The following SIGLEC6 variants were observed in gnomAD, a reference collection of about 807,000 sequenced individuals.
SIGLEC6 encodes sialic acid binding Ig like lectin 6.
Under a neutral mutation model 41.4 loss-of-function variants are expected in SIGLEC6, and 31 were observed. That is an observed-to-expected ratio of 0.75 (90% CI 0.56 to 1.01). The LOEUF (loss-of-function observed/expected upper bound fraction) is 1.01. Ranked by LOEUF, SIGLEC6 falls within the 50% of genes least tolerant of loss-of-function variation. The pLI is 0.00. For synonymous variants in SIGLEC6, 217 were observed against 231.0 expected (o/e 0.94, Z 0.55); for missense variants, 555 against 558.6 (o/e 0.99, Z 0.06).
Position 51,528,179 on chromosome 19 carries a change from A to C in SIGLEC6, c.1087T>G (p.Cys363Gly), listed in dbSNP as rs750023034. The C allele has an allele frequency of 1.7e-4, 271 of 1,614,042 alleles. 2 individuals carry two copies. Among genetic ancestry groups the C allele is most frequent in the Non-Finnish European group, 1.3e-5 (15 of 1,180,010 alleles). Residue 363 changes from cysteine to glycine, a missense_variant, in exon 6 of 8, where the codon TGT becomes GGT. By Grantham distance (159) the Cys-to-Gly change is radical. Coordinates refer to ENST00000425629, the MANE Select transcript of SIGLEC6 (RefSeq NM_001245.7). ...TCTCACCTGAAGATGAAGCAAACACAGAGGAAAACCAGGGTTGTGATGCTA... is the reference window on the plus strand; with the variant it reads ...TCTCACCTGAAGATGAAGCAAACACCGAGGAAAACCAGGGTTGTGATGCTA... ...GASITTLVFL[C>G]VCFIFRVKTR...
Position 51,520,264 on chromosome 19 carries a change from A to G in SIGLEC6, c.1189-9T>C. 1.3e-6 allele frequency: 2 copies of G among 1,541,602 alleles called. No individual in the cohort carries two copies. Among genetic ancestry groups the G allele is most frequent in the Non-Finnish European group, 1.8e-6 (2 of 1,129,752 alleles). ...AACTGGTGCTGATGACCCTTAATGG[A>G]AGAAAAGAAAAGATTCAGGGCTGGA... On this transcript the variant is annotated splice_polypyrimidine_tract_variant and intron_variant, in intron 7 of 7. Coordinates refer to ENST00000425629, the MANE Select transcript of SIGLEC6 (RefSeq NM_001245.7).
At chr19:51,522,267 A>T (rs1978400532) in intron 7 of SIGLEC6, among the ~76,000 whole-genome samples, 1 of 152,256 alleles carries the variant, frequency 6.6e-6, no homozygotes, top group Admixed American at 6.5e-5. Context: ...ATCCACTAAT[A>T]AATTAACTGC....
At chr19:51,524,758 G>A (rs1978914749) in intron 7 of SIGLEC6, among the ~76,000 whole-genome samples, 2 of 152,098 alleles carry the variant, frequency 1.3e-5, no homozygotes, top group Admixed American at 1.3e-4. Flanking sequence ...ACATTAGCTC[G>A]CCAACTAGAC....
intron 4 of SIGLEC6, 117 bp from the exon 5 acceptor site, chr19:51,530,098 C>T: frequency 1.6e-6 from 2 of 1,281,830 alleles, no homozygotes; most frequent in Non-Finnish European, 2.2e-6. Context: ...AAGTGGGGGC[C>T]TCAGGTCTTC....
intron 7 of SIGLEC6, among the ~76,000 whole-genome samples, chr19:51,521,470 A>T (rs140516907): frequency 1.3e-5 from 2 of 152,168 alleles, no homozygotes; most frequent in African/African-American, 4.8e-5. Context: ...TTCCTCCATC[A>T]TTGGGATAAT....
Position 51,528,223 on chromosome 19 carries a change from A to G in SIGLEC6, c.1043T>C (p.Leu348Pro), listed in dbSNP as rs1453285470. The change falls in exon 6 of 8, where the codon CTG becomes CCG. Residue 348 changes from leucine to proline, a missense_variant. Physicochemically the swap from Leu to Pro is moderately conservative, Grantham distance 98. Coordinates refer to ENST00000425629, the MANE Select transcript of SIGLEC6 (RefSeq NM_001245.7). The part of the protein sequence containing the change: ...WKPEGRAGGV[L>P]GAVWGASITT... ...GATGCTAGCTCCCCAGACTGCTCCC[A>G]GGACACCACCAGCCCTGCCTTCTGG... 3.1e-6 allele frequency: 5 copies of G among 1,614,172 alleles called. No homozygotes were observed. The Admixed American group carries it at 5.0e-5, about 16-fold the overall frequency.
intron 7 of SIGLEC6, among the ~76,000 whole-genome samples, chr19:51,527,228 C>T (rs1252798935): frequency 6.6e-6 from 1 of 152,064 alleles, no homozygotes; most frequent in Admixed American, 6.5e-5. Flanking sequence ...CAACCATTCC[C>T]AAGACACGCA....
At chr19:51,527,672 T>C (rs1280730443) in intron 7 of SIGLEC6, 75 bp downstream of exon 7, 16 of 1,253,710 alleles carry the variant, frequency 1.3e-5, no homozygotes, top group Non-Finnish European at 1.8e-5. Context: ...AATGAAGAAA[T>C]GCCTCAGGGT....
chr19:51,521,285 G>A (rs938325420), intron 7 of SIGLEC6, among the ~76,000 whole-genome samples: 3 of 152,108 alleles, frequency 2.0e-5, no homozygotes, highest in African/African-American at 2.4e-5. Context: ...AAACCAAGAG[G>A]CAATACAAGA....
rs574497500 is a variant in SIGLEC6, at chr19:51,519,960, G to T, written c.*122C>A. Reference sequence around the variant, plus strand: ...AGACCTCTAACATCTGAAACTATACGAAAATAAAGTTCTGTGTTTATGTCA... The same window carrying T: ...AGACCTCTAACATCTGAAACTATACTAAAATAAAGTTCTGTGTTTATGTCA... On this transcript the variant is annotated 3_prime_UTR_variant, in exon 8 of 8. Coordinates refer to ENST00000425629, the MANE Select transcript of SIGLEC6 (RefSeq NM_001245.7). The T allele has an allele frequency of 2.2e-6, 2 of 893,272 alleles. No individual in the cohort carries two copies. The highest frequency in any genetic ancestry group is 1.6e-6 in the Non-Finnish European group (1 of 619,168). The allele number at this position is 893,272 out of a possible 1,614,324, so 55.3% of individuals were successfully genotyped here.
chr19:51,529,044 T>C (rs1053102304), intron 5 of SIGLEC6, among the ~76,000 whole-genome samples: 1 of 141,760 alleles, frequency 7.1e-6, no homozygotes, highest in Non-Finnish European at 1.5e-5. Context: ...CAGACGCACA[T>C]GTGGACACAG....
Position 51,527,824 on chromosome 19 carries a change from T to C in SIGLEC6, c.1111A>G (p.Lys371Glu). ...FLCVCFIFRV[K>E]TRRKKAAQPV... ...TGGGCTGCTTTCTTCCTTCTAGTCT[T>C]CACTCTGAGGGAACAGCCCTAAGCC... is the stretch of plus-strand genomic sequence containing the variant. The change falls in exon 7 of 8, where the codon AAG becomes GAG. Residue 371 changes from lysine to glutamate, a missense_variant. Transcript: ENST00000425629. 6.2e-7 allele frequency: 1 copy of C among 1,614,026 alleles called. No individual in the cohort carries two copies. The highest frequency in any genetic ancestry group is 1.7e-5 in the Admixed American group (1 of 60,010).
chr19:51,529,988 G>A lies in SIGLEC6; in HGVS notation c.755-7C>T, dbSNP rs778475847. 4 of 1,578,458 alleles carry A rather than the reference G, an allele frequency of 2.5e-6. No individual in the cohort carries two copies. In the South Asian group the frequency reaches 3.6e-5, roughly 14 times the overall value. On this transcript the variant is annotated splice_region_variant and splice_polypyrimidine_tract_variant and intron_variant, in intron 4 of 7. Coordinates refer to ENST00000425629, the MANE Select transcript of SIGLEC6 (RefSeq NM_001245.7). Reference sequence around the variant, plus strand: ...TTTTGCAGGATTTTGAAGGCTTTGGGGAGAGAGGTGTAGAGAGTTAGAGAT... The same window carrying A: ...TTTTGCAGGATTTTGAAGGCTTTGGAGAGAGAGGTGTAGAGAGTTAGAGAT...
At chr19:51,530,606 A>G in intron 3 of SIGLEC6, 75 bp downstream of exon 3, 2 of 1,608,238 alleles carry the variant, frequency 1.2e-6, no homozygotes, top group Non-Finnish European at 1.7e-6. Flanking sequence ...CAGGTCCCCA[A>G]CTTTAAGCTC....
chr19:51,523,132 C>CCTGT (rs1978569422), intron 7 of SIGLEC6, among the ~76,000 whole-genome samples: 1 of 151,694 alleles, frequency 6.6e-6, no homozygotes, highest in South Asian at 2.1e-4. Flanking sequence ...AGAGTGAGAT[C>CCTGT]CTGTCTCAGG....
chr19:51,526,576 C>A (rs1979267670), intron 7 of SIGLEC6, among the ~76,000 whole-genome samples: 1 of 152,178 alleles, frequency 6.6e-6, no homozygotes, highest in Non-Finnish European at 1.5e-5. Flanking sequence ...AGTAAGGGAA[C>A]ATGAGCCCAC....
intron 4 of SIGLEC6, 74 bp downstream of exon 4, chr19:51,530,363 C>G: frequency 7.3e-7 from 1 of 1,363,454 alleles, no homozygotes; most frequent in Non-Finnish European, 1.0e-6. Flanking sequence ...GTCCTGGCTT[C>G]TCATATTGAT....
intron 7 of SIGLEC6, among the ~76,000 whole-genome samples, 194 bp downstream of exon 7, chr19:51,527,553 C>A (rs901113217): frequency 3.3e-5 from 5 of 152,190 alleles, no homozygotes; most frequent in African/African-American, 4.8e-5. Context: ...CTATTAGATT[C>A]AGTTCCAAAT....
Position 51,529,835 on chromosome 19 carries a change from T to C in SIGLEC6, c.901A>G (p.Thr301Ala), listed in dbSNP as rs1342887905. The change falls in exon 5 of 8, where the codon ACC becomes GCC. Residue 301 changes from threonine to alanine, a missense_variant. Thr to Ala is a moderately conservative substitution (Grantham distance 58). Transcript: ENST00000425629. ...ACTTGAGGCAGCTCCAGGACCCCGG[T>C]ATTGGAGATGGGGGTGGCGTTCAGG... ...PALNATPISN[T>A]GVLELPQVGS... The C allele has an allele frequency of 6.2e-7, 1 of 1,613,954 alleles. No individual in the cohort carries two copies. The highest frequency in any genetic ancestry group is 1.1e-5 in the South Asian group (1 of 91,076).
Sources: allele counts gnomAD v4.1 joint callset (sites outside exome capture counted in the v4.1 genomes callset), GRCh38; gene constraint gnomAD v4.1.1; transcripts MANE v1.5; gene names NCBI Gene and HGNC (gene_info 2026-07-23, HGNC 2026-07-21).